Variants in RIMS2 observed in about 807,000 individuals in gnomAD.
The protein encoded by RIMS2 is regulating synaptic membrane exocytosis protein 2.
In RIMS2, 59 loss-of-function variants were observed where a neutral mutation model predicts 174.4. The observed-to-expected ratio is 0.34, with a 90% CI of 0.27 to 0.42. RIMS2 has a LOEUF of 0.42. Among genes scored for constraint, RIMS2 ranks in the 10% least tolerant of loss-of-function variants. The pLI, the probability that RIMS2 is intolerant of heterozygous loss-of-function variation, is 1.00. For missense variants in RIMS2, 1,620 were observed against 1,666.3 expected (o/e 0.97, Z 0.48); for synonymous variants, 606 against 572.5 (o/e 1.06, Z -0.84).
intron 3 of RIMS2, among the ~76,000 whole-genome samples, chr8:103,813,588 TC>T (rs1345635500): frequency 4.6e-5 from 7 of 152,084 alleles, no homozygotes; most frequent in African/African-American, 1.7e-4. Flanking sequence ...TGTGTGATGT[TC>T]CCCCACCCTG....
chr8:103,996,763 T>G (rs2095127256), intron 17 of RIMS2, among the ~76,000 whole-genome samples: 1 of 151,914 alleles, frequency 6.6e-6, no homozygotes, highest in Non-Finnish European at 1.5e-5. Context: ...TCAGTTTATC[T>G]GTCTGTGCAA....
At chr8:104,019,640 A>C (rs944058924) in intron 19 of RIMS2, among the ~76,000 whole-genome samples, 2 of 152,196 alleles carry the variant, frequency 1.3e-5, no homozygotes, top group African/African-American at 2.4e-5. Flanking sequence ...GTTTAATTGC[A>C]TATTTCTAGA....
intron 19 of RIMS2, among the ~76,000 whole-genome samples, chr8:104,034,462 C>CTTTTTTTTTTTTTTTTTTT: frequency 8.4e-6 from 1 of 118,346 alleles, no homozygotes; most frequent in African/African-American, 3.0e-5. Context: ...CTTGCAGTAT[C>CTTTTTTTTTTTTTTTTTTT]TTTTTTTTTT....
chr8:104,052,011 A>G (rs1027862313), intron 19 of RIMS2, among the ~76,000 whole-genome samples: 4 of 152,204 alleles, frequency 2.6e-5, no homozygotes, highest in Admixed American at 6.5e-5. Flanking sequence ...TGCCTTCAGC[A>G]AGTAAAATTC....
At chr8:103,568,890 G>A in intron 1 of RIMS2, 3 of 1,131,652 alleles carry the variant, frequency 2.7e-6, no homozygotes, top group Admixed American at 3.5e-5. Flanking sequence ...AAAAGAGGCA[G>A]GAAGACCACA....
chr8:104,169,570 CTTCTT>C (rs2098820106), intron 19 of RIMS2, among the ~76,000 whole-genome samples: 2 of 151,694 alleles, frequency 1.3e-5, no homozygotes, highest in Admixed American at 1.3e-4. Flanking sequence ...GATCTTTTCT[CTTCTT>C]TTCTTGGTTA....
In RIMS2 at chr8:104,094,810, A is replaced by G. The variant is rs1566342235; in HGVS notation, c.3334+80195A>G. On this transcript the variant is annotated intron_variant, in intron 19 of 23. Transcript: ENST00000504942. The stretch of plus-strand genomic sequence containing the variant: ...TCCTAAAAATTATTTTGCCATTTCC[A>G]TTTGCTTTATTTTCTTGTGTTTTAT... The G allele has an allele frequency of 5.2e-6, 3 of 581,288 alleles. No individual in the cohort carries two copies. The African/African-American group carries it at 5.6e-5, about 11-fold the overall frequency. 36.0% of individuals were successfully genotyped at this position (581,288 alleles called of 1,614,324 possible).
chr8:103,846,915 G>A (rs1431604844), intron 3 of RIMS2, among the ~76,000 whole-genome samples: 2 of 152,112 alleles, frequency 1.3e-5, no homozygotes, highest in East Asian at 3.9e-4. Flanking sequence ...CCCATTTATA[G>A]TTGCAGCGTG....
intron 2 of RIMS2, among the ~76,000 whole-genome samples, chr8:103,756,874 C>T (rs545787580): frequency 6.6e-6 from 1 of 152,020 alleles, no homozygotes; most frequent in Non-Finnish European, 1.5e-5. Context: ...AATATTTTGG[C>T]TGTAGATTTT....
At chr8:103,534,693 C>T (rs1477684439) in intron 1 of RIMS2, among the ~76,000 whole-genome samples, 1 of 152,172 alleles carries the variant, frequency 6.6e-6, no homozygotes, top group Admixed American at 6.5e-5. Context: ...CTTTGAATCC[C>T]AATTGAGTGA....
At chr8:103,576,145 C>A (rs180698456) in intron 1 of RIMS2, among the ~76,000 whole-genome samples, 23 of 152,328 alleles carry the variant, frequency 1.5e-4, no homozygotes, top group African/African-American at 5.1e-4. Context: ...GCATGAATCC[C>A]TAGCCAGCCT....
chr8:103,670,627 A>G (rs975344093), intron 1 of RIMS2, among the ~76,000 whole-genome samples: 58 of 152,190 alleles, frequency 3.8e-4, no homozygotes, highest in African/African-American at 1.4e-3. Context: ...AAGTTCCACA[A>G]ATCTCTAGGG....
At chr8:104,061,413 T>C (rs970217430) in intron 19 of RIMS2, among the ~76,000 whole-genome samples, 2 of 152,006 alleles carry the variant, frequency 1.3e-5, no homozygotes, top group Non-Finnish European at 1.5e-5. Flanking sequence ...ATAAAGCAAG[T>C]CGTGTATCTT....
At chr8:104,134,827 T>G (rs1434029216) in intron 19 of RIMS2, among the ~76,000 whole-genome samples, 1 of 152,224 alleles carries the variant, frequency 6.6e-6, no homozygotes, top group African/African-American at 2.4e-5. Context: ...AAAATATTAG[T>G]GATTTCACCA....
chr8:103,601,607 T>A (rs544460472), intron 1 of RIMS2, among the ~76,000 whole-genome samples: 237 of 152,280 alleles, frequency 1.6e-3, no homozygotes, highest in Non-Finnish European at 2.5e-3. Context: ...GGAGTTTTTT[T>A]TTCATCTATT....
intron 3 of RIMS2, among the ~76,000 whole-genome samples, chr8:103,784,015 T>C (rs1349363072): frequency 4.6e-5 from 7 of 151,672 alleles, no homozygotes; most frequent in South Asian, 2.1e-4. Flanking sequence ...TCTCTGATGG[T>C]CAGTGATGGT....
intron 4 of RIMS2, among the ~76,000 whole-genome samples, chr8:103,888,185 C>T (rs2099217668): frequency 6.6e-6 from 1 of 151,202 alleles, no homozygotes; most frequent in Non-Finnish European, 1.5e-5. Flanking sequence ...ATATAAAATG[C>T]ACAACAATCC....
chr8:104,071,294 C>G (rs1445884615), intron 19 of RIMS2, among the ~76,000 whole-genome samples: 1 of 152,134 alleles, frequency 6.6e-6, no homozygotes, highest in African/African-American at 2.4e-5. Context: ...ATTAATTGTA[C>G]TAAGCATTAT....
At chr8:104,143,161 C>T (rs903134359) in intron 19 of RIMS2, among the ~76,000 whole-genome samples, 3 of 152,056 alleles carry the variant, frequency 2.0e-5, no homozygotes, top group South Asian at 4.1e-4. Context: ...TTTTTGTATC[C>T]GCATATTTGT....
Sources: gnomAD v4.1 joint callset for allele counts (sites outside exome capture counted in the v4.1 genomes callset) on GRCh38, gnomAD v4.1.1 for gene constraint, MANE v1.5 for transcripts, NCBI Gene and HGNC (gene_info 2026-07-23, HGNC 2026-07-21) for gene names.